Variants in DNAH1 observed in about 807,000 individuals in gnomAD.
The protein encoded by DNAH1 is axonemal beta dynein heavy chain 1.
In DNAH1, 327 loss-of-function variants were observed where a neutral mutation model predicts 484.3. That is an observed-to-expected ratio of 0.68 (90% CI 0.62 to 0.74). The LOEUF (loss-of-function observed/expected upper bound fraction) is 0.74, where lower values mean the gene tolerates loss of function less well. Among genes scored for constraint, DNAH1 ranks in the 30% least tolerant of loss-of-function variants. The probability of loss-of-function intolerance (pLI) is 0.00; values close to 1 mark genes in which losing one functional copy is unlikely to be tolerated. For missense variants in DNAH1, 5,052 were observed against 5,546.8 expected (o/e 0.91, Z 2.83); for synonymous variants, 2,192 against 2,191.9 (o/e 1.00, Z 0.00).
Position 52,383,059 on chromosome 3 carries a change from G to A in DNAH1, c.7942-327G>A, listed in dbSNP as rs968246279. 3.3e-5 allele frequency among the ~76,000 whole-genome samples: 5 copies of A among 152,226 alleles called. No homozygotes were observed. In the East Asian group the frequency reaches 9.6e-4, roughly 29 times the overall value. On this transcript the variant is annotated intron_variant, in intron 50 of 77. Transcript: ENST00000420323. Reference sequence around the variant, plus strand: ...GCCAGGCCCAGGCTGTATGAGATGGGCAAGGACCTATCTCTGCCCGTGGCC... The same window carrying A: ...GCCAGGCCCAGGCTGTATGAGATGGACAAGGACCTATCTCTGCCCGTGGCC...
intron 36 of DNAH1, among the ~76,000 whole-genome samples, chr3:52,367,395 G>A (rs1367525222): frequency 6.6e-6 from 1 of 152,070 alleles, no homozygotes; most frequent in African/African-American, 2.4e-5. Context: ...GAGCCCTGTA[G>A]GGGATGGTCA....
rs1702729054 is a variant in DNAH1 at position 52,358,797 on chromosome 3, G to GC, written c.4266+64dup. On this transcript the variant is annotated intron_variant, in intron 25 of 77. Transcript: ENST00000420323. The surrounding 1 kb of genome is among the most constrained non-coding windows in gnomAD (Gnocchi z 4.2). Reference sequence around the variant, plus strand: ...CTGCACCCCTCTGCTCCCTCTCAGTGCCCCTCCTGCTCTAGCCGGCCTCGT... The same window carrying GC: ...CTGCACCCCTCTGCTCCCTCTCAGTGCCCCCTCCTGCTCTAGCCGGCCTCGT... 1 of 1,591,072 alleles carries GC rather than the reference G, an allele frequency of 6.3e-7. No individual in the cohort carries two copies. The highest frequency in any genetic ancestry group is 8.6e-7 in the Non-Finnish European group (1 of 1,169,342).
chr3:52,375,447 C>G, intron 45 of DNAH1, 34 bp downstream of exon 45: 5 of 1,596,868 alleles, frequency 3.1e-6, no homozygotes, highest in Non-Finnish European at 4.3e-6. Flanking sequence ...TGGACAAAGG[C>G]AGAAGCCCAG....
chr3:52,396,226 C>T, intron 70 of DNAH1, 142 bp from the exon 71 acceptor site: 1 of 942,060 alleles, frequency 1.1e-6, no homozygotes, highest in South Asian at 1.7e-5. Flanking sequence ...AGCCACCGCG[C>T]CCAGCCAAAA....
chr3:52,315,177 C>T (rs575217243), upstream of DNAH1, among the ~76,000 whole-genome samples: 10 of 152,274 alleles, frequency 6.6e-5, no homozygotes, highest in East Asian at 3.9e-4. Flanking sequence ...CCCCCGCCCC[C>T]GATGCCTGCA....
rs1325298925 is a variant in DNAH1 at position 52,358,797 on chromosome 3, G to A, written c.4266+60G>A. 1.3e-6 allele frequency: 2 copies of A among 1,591,072 alleles called. No individual in the cohort carries two copies. Among genetic ancestry groups the A allele is most frequent in the African/African-American group, 2.7e-5 (2 of 73,986 alleles). On this transcript the variant is annotated intron_variant, in intron 25 of 77. Transcript: ENST00000420323. The surrounding 1 kb of genome is among the most constrained non-coding windows in gnomAD (Gnocchi z 4.2). ...CTGCACCCCTCTGCTCCCTCTCAGT[G>A]CCCCTCCTGCTCTAGCCGGCCTCGT...
intron 28 of DNAH1, among the ~76,000 whole-genome samples, 162 bp downstream of exon 28, chr3:52,360,586 C>A (rs1318185651): frequency 1.3e-5 from 2 of 152,196 alleles, no homozygotes; most frequent in Non-Finnish European, 2.9e-5. Flanking sequence ...TTCTGCCCAT[C>A]ACAGGCGGAG....
rs774732428 is a variant in DNAH1 at position 52,357,656 on chromosome 3, C to A, written c.3901C>A (p.Arg1301=). 5 of 1,597,854 alleles carry A rather than the reference C, an allele frequency of 3.1e-6. No individual in the cohort carries two copies. Among genetic ancestry groups the A allele is most frequent in the Non-Finnish European group, 4.3e-6 (5 of 1,171,876 alleles). Residue 1301 remains arginine, a synonymous_variant, in exon 23 of 78, where the codon CGG becomes AGG. Coordinates refer to ENST00000420323, the MANE Select transcript of DNAH1 (RefSeq NM_015512.5). ...CSDLRMLDSL[R]DCNKILDLVQ... ...CGACCTGAGAATGCTGGACAGCCTGCGGGACTGCAACAAGATTCTGGACCT... is the reference window on the plus strand; with the variant it reads ...CGACCTGAGAATGCTGGACAGCCTGAGGGACTGCAACAAGATTCTGGACCT...
chr3:52,397,748 G>A lies in DNAH1; in HGVS notation c.11829G>A (p.Met3943Ile). 1 of 1,613,570 alleles carries A rather than the reference G, an allele frequency of 6.2e-7. No individual in the cohort carries two copies. Among genetic ancestry groups the A allele is most frequent in the African/African-American group, 1.3e-5 (1 of 75,044 alleles). The change falls in exon 74 of 78, where the codon ATG (methionine) becomes ATA (isoleucine). Residue 3943 changes from methionine to isoleucine, a missense_variant. Around this residue, in one of 4 missense-constraint regions of DNAH1, gnomAD observed 853 missense variants for 899.0 expected, o/e 0.95. Coordinates refer to ENST00000420323, the MANE Select transcript of DNAH1 (RefSeq NM_015512.5). Reference sequence around the variant, plus strand: ...TCAAGAGCCTCCCACTCAATGATATGCCTGAGATCTTTGGCCTGCATGACA... The same window carrying A: ...TCAAGAGCCTCCCACTCAATGATATACCTGAGATCTTTGGCCTGCATGACA... Reference protein sequence around the residue: ...SYIKSLPLNDMPEIFGLHDNA... With the variant: ...SYIKSLPLNDIPEIFGLHDNA...
Position 52,370,017 on chromosome 3 carries a change from G to C in DNAH1, c.6136G>C (p.Glu2046Gln). 6.2e-7 allele frequency: 1 copy of C among 1,612,982 alleles called. No homozygotes were observed. The highest frequency in any genetic ancestry group is 8.5e-7 in the Non-Finnish European group (1 of 1,179,090). The change falls in exon 38 of 78, where the codon GAG becomes CAG. Residue 2046 changes from glutamate to glutamine, a missense_variant and splice_region_variant. By Grantham distance (29) the Glu-to-Gln change is conservative. Around this residue, in one of 4 missense-constraint regions of DNAH1, gnomAD observed 2,929 missense variants for 3,409.4 expected, o/e 0.86. Transcript: ENST00000420323. ...HFKALFVSFL[E>Q]ESISFVRSSV... is the part of the protein sequence containing the mutation. ...CAAGGCCCTCTTTGTCAGCTTCCTG[G>C]AGGTGAGTGAGGCCACGGGTATGTC...
Position 52,391,340 on chromosome 3 carries a change from G to A in DNAH1, c.9891+12G>A, listed in dbSNP as rs775096642. ...TGCTGCTCAAGCAGGTGGGTCTGCA[G>A]TGGTGATGGCAGGGTGGCAGTAGGC... is the stretch of plus-strand genomic sequence containing the variant. On this transcript the variant is annotated intron_variant, in intron 62 of 77. Coordinates refer to ENST00000420323, the MANE Select transcript of DNAH1 (RefSeq NM_015512.5). 2.5e-6 allele frequency: 4 copies of A among 1,603,792 alleles called. No individual in the cohort carries two copies. The highest frequency in any genetic ancestry group is 2.2e-5 in the South Asian group (2 of 89,526).
At chr3:52,393,506 GAC>G in intron 66 of DNAH1, 21 bp downstream of exon 66, 1 of 1,612,934 alleles carries the variant, frequency 6.2e-7, no homozygotes. Flanking sequence ...AGACACCCAG[GAC>G]AGACTGCCTG....
At chr3:52,331,109 T>C in intron 6 of DNAH1, 39 bp from the exon 7 acceptor site, 1 of 1,553,918 alleles carries the variant, frequency 6.4e-7, no homozygotes, top group Non-Finnish European at 8.7e-7. Flanking sequence ...CCTGCCCCCA[T>C]GGCGGGGGGC....
At position 52,361,996 on chromosome 3, in the gene DNAH1, A is replaced by C. The variant is rs1320016301; in HGVS notation, c.4980+230A>C. ...CTGACCTTTATGGAAAGCCCCAGGC[A>C]TTGGTCCTTTCTCTAGCCACGTGCA... On this transcript the variant is annotated intron_variant, in intron 30 of 77. Transcript: ENST00000420323. The surrounding 1 kb of genome is among the most constrained non-coding windows in gnomAD (Gnocchi z 5.6). Among the ~76,000 whole-genome samples the C allele has an allele frequency of 6.6e-6, 1 of 152,240 alleles. No individual in the cohort carries two copies. Among genetic ancestry groups the C allele is most frequent in the Non-Finnish European group, 1.5e-5 (1 of 68,044 alleles).
intron 9 of DNAH1, 140 bp downstream of exon 9, chr3:52,344,787 C>A: frequency 1.1e-6 from 1 of 935,436 alleles, no homozygotes; most frequent in Non-Finnish European, 1.6e-6. Context: ...CTGTCTCCAG[C>A]ACTTGTCCCA....
chr3:52,377,127 A>G (rs1403172974), intron 46 of DNAH1, among the ~76,000 whole-genome samples: 1 of 152,054 alleles, frequency 6.6e-6, no homozygotes, highest in African/African-American at 2.4e-5. Flanking sequence ...TCTCCCATGA[A>G]TGCCTGATTC....
At chr3:52,351,314 G>A (rs1702369432) in intron 16 of DNAH1, among the ~76,000 whole-genome samples, 1 of 152,170 alleles carries the variant, frequency 6.6e-6, no homozygotes, top group Non-Finnish European at 1.5e-5. Context: ...ACAGCCTTAG[G>A]TGCCCTTTTC....
At position 52,398,857 on chromosome 3, in the gene DNAH1, C is replaced by T. The variant is rs371210477; in HGVS notation, c.12097C>T (p.Arg4033Trp). Residue 4033 changes from arginine to tryptophan, a missense_variant, in exon 76 of 78, where the codon CGG (arginine) becomes TGG (tryptophan). Coordinates refer to ENST00000420323, the MANE Select transcript of DNAH1 (RefSeq NM_015512.5). ...VLVQEVIRYNRLLQVITQTLQ... is the reference protein window; with the variant it reads ...VLVQEVIRYNWLLQVITQTLQ... ...TTGCCACTGGCCTCACAGGTACAAT[C>T]GGCTGCTGCAGGTGATCACACAGAC... The T allele has an allele frequency of 8.4e-6, 13 of 1,541,488 alleles. No individual in the cohort carries two copies. Among genetic ancestry groups the T allele is most frequent in the Middle Eastern group, 1.7e-4 (1 of 5,734 alleles).
At chr3:52,313,658 G>C (rs1700863268), upstream of DNAH1, among the ~76,000 whole-genome samples, 1 of 152,180 alleles carries the variant, frequency 6.6e-6, no homozygotes, top group South Asian at 2.1e-4. Context: ...GGGGAGGAGG[G>C]CTGCCCCACC....
Sources: allele counts gnomAD v4.1 joint callset (sites outside exome capture counted in the v4.1 genomes callset), GRCh38; gene constraint gnomAD v4.1.1; regional missense constraint gnomAD v4.1.1; non-coding constraint Gnocchi (gnomAD v3.1); transcripts MANE v1.5; gene names NCBI Gene and HGNC (gene_info 2026-07-23, HGNC 2026-07-21).